Variants in SCHIP1 observed in about 807,000 individuals in gnomAD.
SCHIP1 encodes the protein schwannomin interacting protein 1, also known as schwannomin-interacting protein 1.
Under a neutral mutation model 29.7 loss-of-function variants are expected in SCHIP1, and 8 were observed. The ratio of observed to expected loss-of-function variants is 0.27; its 90% CI spans 0.16 to 0.49. The LOEUF is 0.49. SCHIP1 is among the 20% of genes least tolerant of loss of function. SCHIP1 has a pLI of 0.99. For synonymous variants in SCHIP1, 76 were observed against 94.9 expected (o/e 0.80, Z 1.16); for missense variants, 193 against 294.6 (o/e 0.66, Z 2.52).
chr3:159,373,318 A>G, the SCHIP1 span, among the ~76,000 whole-genome samples: 1 of 151,598 alleles, frequency 6.6e-6, no homozygotes, highest in Admixed American at 6.6e-5. Context: ...TATACATATT[A>G]TAGTATGTAT....
At chr3:159,474,918 A>C in the SCHIP1 span, among the ~76,000 whole-genome samples, 1 of 152,304 alleles carries the variant, frequency 6.6e-6, no homozygotes, top group South Asian at 2.1e-4. Context: ...CCAGTAGGAC[A>C]GCTATTATGA....
At chr3:159,683,972 A>G in the SCHIP1 span, among the ~76,000 whole-genome samples, 1 of 152,148 alleles carries the variant, frequency 6.6e-6, no homozygotes, top group Admixed American at 6.5e-5. Context: ...TATCTTAAAT[A>G]TATTTTGATA....
At chr3:159,524,763 G>A in the SCHIP1 span, among the ~76,000 whole-genome samples, 1 of 152,212 alleles carries the variant, frequency 6.6e-6, no homozygotes, top group Non-Finnish European at 1.5e-5. Context: ...TGTGAGCAGT[G>A]AAGAGACGTG....
intron 1 of SCHIP1, among the ~76,000 whole-genome samples, chr3:159,855,626 TA>T (rs1353374558): frequency 6.6e-6 from 1 of 152,006 alleles, no homozygotes; most frequent in East Asian, 1.9e-4. Context: ...TTTTAGAGAA[TA>T]AAATGTTTAA....
chr3:159,626,247 TCTATATAGATAGATAGATAGATAG>T, the SCHIP1 span, among the ~76,000 whole-genome samples: 9 of 110,758 alleles, frequency 8.1e-5, no homozygotes, highest in African/African-American at 1.4e-4. Flanking sequence ...TATCTATCTA[TCTATATAGATAGATAGATAGATAG>T]ATAGATAGAT....
chr3:159,550,607 T>G, the SCHIP1 span, among the ~76,000 whole-genome samples: 1 of 152,152 alleles, frequency 6.6e-6, no homozygotes, highest in Non-Finnish European at 1.5e-5. Context: ...TTCCTTATAT[T>G]TAAGTCTTTT....
At chr3:159,850,937 C>G (rs1346418275) in intron 1 of SCHIP1, among the ~76,000 whole-genome samples, 1 of 152,200 alleles carries the variant, frequency 6.6e-6, no homozygotes, top group African/African-American at 2.4e-5. Flanking sequence ...AACCACATAT[C>G]TGGAGCTCTA....
At chr3:159,459,443 C>T in the SCHIP1 span, among the ~76,000 whole-genome samples, 2 of 152,054 alleles carry the variant, frequency 1.3e-5, no homozygotes, top group Non-Finnish European at 2.9e-5. Flanking sequence ...CTACTAGGTG[C>T]CCAAATCTAA....
the SCHIP1 span, among the ~76,000 whole-genome samples, chr3:159,423,370 C>A: frequency 6.6e-6 from 1 of 152,204 alleles, no homozygotes; most frequent in Non-Finnish European, 1.5e-5. Flanking sequence ...TGCACTTTTC[C>A]GACGGGCTTA....
the SCHIP1 span, among the ~76,000 whole-genome samples, chr3:159,281,420 A>G: frequency 6.6e-6 from 1 of 152,220 alleles, no homozygotes; most frequent in Non-Finnish European, 1.5e-5. Flanking sequence ...ACACATATGC[A>G]CATATATTTA....
chr3:159,651,822 T>G, the SCHIP1 span, among the ~76,000 whole-genome samples: 1 of 152,170 alleles, frequency 6.6e-6, no homozygotes, highest in African/African-American at 2.4e-5. Flanking sequence ...AATTATACAT[T>G]GCAATTTAAC....
chr3:159,663,465 T>C, the SCHIP1 span, among the ~76,000 whole-genome samples: 1 of 152,292 alleles, frequency 6.6e-6, no homozygotes, highest in South Asian at 2.1e-4. Flanking sequence ...GGATGGGGTC[T>C]CTAGGATCCA....
At chr3:159,859,150 C>T (rs959871923) in intron 1 of SCHIP1, among the ~76,000 whole-genome samples, 2 of 152,302 alleles carry the variant, frequency 1.3e-5, no homozygotes, top group South Asian at 2.1e-4. Context: ...TTAAAATAAC[C>T]TGCATGGTGC....
At chr3:159,897,160 A>C (rs1718125654) in exon 7 of SCHIP1, 1 of 156,108 alleles carries the variant, frequency 6.4e-6, no homozygotes, top group African/African-American at 2.4e-5. Context: ...GTGCTATACA[A>C]GTCAAAAAAT....
At chr3:159,536,317 C>T in the SCHIP1 span, among the ~76,000 whole-genome samples, 1 of 152,122 alleles carries the variant, frequency 6.6e-6, no homozygotes, top group Non-Finnish European at 1.5e-5. Flanking sequence ...TGCCATGTCC[C>T]TATATGTAGT....
At chr3:159,764,670 CGGGGAGGAG>C in the SCHIP1 span, 1 of 1,592,014 alleles carries the variant, frequency 6.3e-7, no homozygotes, top group Non-Finnish European at 8.6e-7. The surrounding 1 kb of genome is among the most constrained non-coding windows in gnomAD (Gnocchi z 6.1). Context: ...CGGAGGAGGA[CGGGGAGGAG>C]GAGGAAGAGG....
the SCHIP1 span, among the ~76,000 whole-genome samples, chr3:159,662,103 C>T: frequency 6.6e-6 from 1 of 152,120 alleles, no homozygotes; most frequent in South Asian, 2.1e-4. Context: ...CTTTAGTTAC[C>T]TGTTCCATAA....
the SCHIP1 span, among the ~76,000 whole-genome samples, chr3:159,734,471 G>A: frequency 1.6e-4 from 25 of 151,804 alleles, no homozygotes; most frequent in South Asian, 4.2e-4. Flanking sequence ...ATAAGTCAAG[G>A]TATTTCCAAC....
At chr3:159,846,060 C>T (rs1711793906) in intron 1 of SCHIP1, 1 of 152,208 alleles carries the variant, frequency 6.6e-6, no homozygotes, top group Admixed American at 6.5e-5. Flanking sequence ...GAAAATACCT[C>T]CATGCCTACT....
Sources: gnomAD v4.1 joint callset for allele counts (sites outside exome capture counted in the v4.1 genomes callset) on GRCh38, gnomAD v4.1.1 for gene constraint, Gnocchi (gnomAD v3.1) non-coding constraint, MANE v1.5 for transcripts, NCBI Gene and HGNC (gene_info 2026-07-23, HGNC 2026-07-21) for gene names.